The following EVL variants were observed in gnomAD, a reference collection of about 807,000 sequenced individuals.
EVL encodes the protein Enah/Vasp-like, also known as ena/VASP-like protein.
EVL carries 21 observed loss-of-function variants against 59.6 expected under a neutral mutation model. That is an observed-to-expected ratio of 0.35 (90% CI 0.25 to 0.51). EVL has a LOEUF of 0.51. EVL is among the 20% of genes least tolerant of loss of function. EVL has a pLI of 0.97. For missense variants in EVL, 462 were observed against 546.6 expected (o/e 0.85, Z 1.54); for synonymous variants, 198 against 203.5 (o/e 0.97, Z 0.23).
chr14:100,034,575 CAA>C lies in EVL; in HGVS notation c.6-50101_6-50100del, dbSNP rs11318291. Among the ~76,000 whole-genome samples the C allele has an allele frequency of 2.6e-4, 38 of 148,006 alleles. 1 individual carries two copies. Among genetic ancestry groups the C allele is most frequent in the African/African-American group, 4.8e-4 (19 of 39,442 alleles). On this transcript the variant is annotated intron_variant, in intron 1 of 13. Transcript: ENST00000402714. The stretch of plus-strand genomic sequence containing the variant: ...GACCAGAGCAAGACCCTGTCTCTAC[CAA>C]AAAAAAAAAATTAACCGGGCATGGT...
intron 1 of EVL, among the ~76,000 whole-genome samples, chr14:100,042,773 A>G (rs1347473809): frequency 6.6e-6 from 1 of 152,228 alleles, no homozygotes; most frequent in African/African-American, 2.4e-5. Flanking sequence ...TGGGATGCTA[A>G]TCTGCCATGT....
rs1889371415 is a variant in EVL at position 100,143,983 on chromosome 14, T to G, written c.*245T>G. The stretch of plus-strand genomic sequence containing the variant: ...CGTCTTTTTTGTGTTTTATATTTGC[T>G]TATTTAAGGTACATTTCTTTGGGTT... On this transcript the variant is annotated 3_prime_UTR_variant, in exon 14 of 14. Coordinates refer to ENST00000392920, the MANE Select transcript of EVL (RefSeq NM_016337.3). The G allele has an allele frequency of 1.9e-6, 1 of 530,678 alleles. No individual in the cohort carries two copies. The highest frequency in any genetic ancestry group is 2.8e-5 in the South Asian group (1 of 35,808). The allele number at this position is 530,678 out of a possible 1,614,324, so 32.9% of individuals were successfully genotyped here. A position where few individuals can be genotyped will look rare whatever the true frequency, so the allele number is the denominator to read the frequency against.
Position 100,042,282 on chromosome 14 carries a change from T to C in EVL, c.6-42405T>C, listed in dbSNP as rs111385553. Among the ~76,000 whole-genome samples, 12 of 152,254 alleles carry C rather than the reference T, an allele frequency of 7.9e-5. 1 individual carries two copies. The highest frequency in any genetic ancestry group is 2.9e-4 in the African/African-American group (12 of 41,548). Reference sequence around the variant, plus strand: ...CTTGAGGCTACCAAAGGCTACCAAATTGGATGTCTAGAGCCCTGATGAACT... The same window carrying C: ...CTTGAGGCTACCAAAGGCTACCAAACTGGATGTCTAGAGCCCTGATGAACT... On this transcript the variant is annotated intron_variant, in intron 1 of 13. Coordinates refer to the EVL transcript ENST00000402714.
intron 1 of EVL, among the ~76,000 whole-genome samples, chr14:100,000,471 C>G (rs986855405): frequency 4.6e-5 from 7 of 151,866 alleles, no homozygotes; most frequent in African/African-American, 1.7e-4. Flanking sequence ...CCTCAGCCTC[C>G]CGAGCAGCTG....
At chr14:100,088,904 G>A (rs2062504617) in intron 2 of EVL, among the ~76,000 whole-genome samples, 1 of 152,178 alleles carries the variant, frequency 6.6e-6, no homozygotes, top group African/African-American at 2.4e-5. Flanking sequence ...AGCTGATAAG[G>A]AGATCCCAAC....
At chr14:100,062,233 T>TG (rs2061848762), upstream of EVL, among the ~76,000 whole-genome samples, 1 of 151,810 alleles carries the variant, frequency 6.6e-6, no homozygotes, top group African/African-American at 2.4e-5. Flanking sequence ...TATATATATA[T>TG]ATATGACTGT....
At chr14:100,080,899 T>C (rs1268852572) in intron 1 of EVL, among the ~76,000 whole-genome samples, 1 of 152,252 alleles carries the variant, frequency 6.6e-6, no homozygotes, top group Non-Finnish European at 1.5e-5. Context: ...ATTTAGTAAA[T>C]GAAATTTCAT....
chr14:100,109,520 G>A lies in EVL; in HGVS notation c.358+11862G>A. On this transcript the variant is annotated intron_variant, in intron 3 of 13. Transcript: ENST00000392920. The surrounding 1 kb of genome is among the most constrained non-coding windows in gnomAD (Gnocchi z 4.3). ...GAGACTGACACATCAGAGGTGTCTG[G>A]TGACTGAACAAGCTCCCAGCTTGCG... 2.1e-6 allele frequency: 1 copy of A among 465,860 alleles called. No individual in the cohort carries two copies. Among genetic ancestry groups the A allele is most frequent in the East Asian group, 7.0e-5 (1 of 14,340 alleles). 28.9% of individuals were successfully genotyped at this position (465,860 alleles called of 1,614,324 possible).
intron 1 of EVL, among the ~76,000 whole-genome samples, chr14:100,083,117 C>T (rs1368181888): frequency 6.6e-6 from 1 of 152,194 alleles, no homozygotes; most frequent in Non-Finnish European, 1.5e-5. Flanking sequence ...AGCTGGGCAC[C>T]AACTCAGATC....
At chr14:100,078,273 G>A (rs1285981125) in intron 1 of EVL, among the ~76,000 whole-genome samples, 3 of 152,104 alleles carry the variant, frequency 2.0e-5, no homozygotes, top group Admixed American at 6.5e-5. Context: ...CCCTGGACCC[G>A]GGATTAAAAA....
chr14:100,125,150 A>ACACACCCC (rs1555361572), intron 4 of EVL, among the ~76,000 whole-genome samples: 1 of 128,286 alleles, frequency 7.8e-6, no homozygotes, highest in African/African-American at 3.6e-5. Flanking sequence ...ACACACACAC[A>ACACACCCC]CCTGCCCCAA....
chr14:99,996,485 G>T (rs536170734), intron 1 of EVL, among the ~76,000 whole-genome samples: 2 of 152,158 alleles, frequency 1.3e-5, no homozygotes, highest in Non-Finnish European at 2.9e-5. Flanking sequence ...GTGCAACTTG[G>T]TAAGGGGACT....
intron 1 of EVL, among the ~76,000 whole-genome samples, chr14:100,050,406 G>A (rs1216227334): frequency 1.3e-5 from 2 of 149,262 alleles, no homozygotes; most frequent in African/African-American, 2.5e-5. Flanking sequence ...CTGGAGTGCA[G>A]TGGCGCGATC....
At chr14:100,029,297 A>G (rs1258195174) in intron 1 of EVL, among the ~76,000 whole-genome samples, 1 of 152,222 alleles carries the variant, frequency 6.6e-6, no homozygotes, top group African/African-American at 2.4e-5. Flanking sequence ...GGGTAGTTGC[A>G]AACATATCCT....
chr14:100,048,504 ACT>A (rs2061592528), intron 1 of EVL, among the ~76,000 whole-genome samples: 1 of 152,160 alleles, frequency 6.6e-6, no homozygotes, highest in Non-Finnish European at 1.5e-5. Context: ...CAGAGCAGCA[ACT>A]CTCCTACACT....
At chr14:99,986,227 G>T (rs1186251531) in intron 1 of EVL, among the ~76,000 whole-genome samples, 1 of 150,780 alleles carries the variant, frequency 6.6e-6, no homozygotes, top group African/African-American at 2.4e-5. Flanking sequence ...GGGAGGTGGA[G>T]GTTGTGGTGA....
At chr14:100,038,774 G>T (rs909629819) in intron 1 of EVL, among the ~76,000 whole-genome samples, 4 of 149,484 alleles carry the variant, frequency 2.7e-5, no homozygotes, top group African/African-American at 9.9e-5. Context: ...GCCCTGGGGT[G>T]TGTGTGTGTG....
intron 1 of EVL, among the ~76,000 whole-genome samples, chr14:100,078,010 G>A (rs1159889055): frequency 2.0e-5 from 3 of 152,052 alleles, no homozygotes; most frequent in East Asian, 1.9e-4. Flanking sequence ...TCCTGACCTC[G>A]TGATCCGCCC....
At chr14:100,063,435 C>A (rs1444326456), upstream of EVL, among the ~76,000 whole-genome samples, 8 of 152,160 alleles carry the variant, frequency 5.3e-5, no homozygotes. Flanking sequence ...TATCATCTTA[C>A]AAAACTCTAA....
Sources: gnomAD v4.1 joint callset for allele counts (sites outside exome capture counted in the v4.1 genomes callset) on GRCh38, gnomAD v4.1.1 for gene constraint, Gnocchi (gnomAD v3.1) non-coding constraint, MANE v1.5 for transcripts, NCBI Gene and HGNC (gene_info 2026-07-23, HGNC 2026-07-21) for gene names.